NRG3: variants seen among roughly 807,000 people sequenced by gnomAD.
NRG3 encodes the protein neuregulin 3.
In NRG3, 31 loss-of-function variants were observed where a neutral mutation model predicts 66.9. The observed-to-expected ratio is 0.46, with a 90% CI of 0.35 to 0.63. NRG3 has a LOEUF of 0.63. Among genes scored for constraint, NRG3 ranks in the 20% least tolerant of loss-of-function variants. NRG3 has a pLI of 0.00. For missense variants in NRG3, 910 were observed against 878.9 expected, an observed-to-expected ratio of 1.04 and a Z score of -0.45; for synonymous variants, 393 against 359.4, an observed-to-expected ratio of 1.09 and a Z score of -1.06.
At chr10:81,917,075 C>G (rs1046003114) in intron 1 of NRG3, among the ~76,000 whole-genome samples, 10 of 152,170 alleles carry the variant, frequency 6.6e-5, no homozygotes, top group Middle Eastern at 3.4e-3. Flanking sequence ...TACCATGGCT[C>G]AAAATATAAA....
intron 2 of NRG3, among the ~76,000 whole-genome samples, chr10:82,465,211 C>A (rs756433794): frequency 4.6e-5 from 7 of 152,200 alleles, no homozygotes; most frequent in Non-Finnish European, 8.8e-5. Flanking sequence ...CTTAATTAGG[C>A]TCTGGCTGAA....
At chr10:82,150,528 C>CAAAAAAAAAAAAAAAAAAAAAAA (rs1264827514) in intron 1 of NRG3, among the ~76,000 whole-genome samples, 2 of 51,724 alleles carry the variant, frequency 3.9e-5, no homozygotes, top group Non-Finnish European at 7.2e-5. Context: ...AAAGAGCACA[C>CAAAAAAAAAAAAAAAAAAAAAAA]ACAAAAAAAA....
At chr10:82,178,140 T>C (rs2073169251) in intron 1 of NRG3, among the ~76,000 whole-genome samples, 1 of 152,160 alleles carries the variant, frequency 6.6e-6, no homozygotes, top group East Asian at 1.9e-4. Context: ...ATTATAAATA[T>C]TCTAATGAAA....
intron 1 of NRG3, among the ~76,000 whole-genome samples, chr10:81,965,888 AT>A (rs1270021578): frequency 6.6e-6 from 1 of 152,028 alleles, no homozygotes; most frequent in Non-Finnish European, 1.5e-5. Flanking sequence ...TTTCTAAATT[AT>A]TATTATTATT....
intron 1 of NRG3, among the ~76,000 whole-genome samples, chr10:81,908,598 G>A (rs1285005851): frequency 1.3e-5 from 2 of 152,114 alleles, no homozygotes; most frequent in African/African-American, 4.8e-5. Context: ...ATGATTACGG[G>A]GTTCAAATGA....
At chr10:82,603,527 G>T (rs1408214369) in intron 2 of NRG3, among the ~76,000 whole-genome samples, 1 of 152,142 alleles carries the variant, frequency 6.6e-6, no homozygotes, top group Admixed American at 6.5e-5. Flanking sequence ...AGAAATCCCA[G>T]TGTCCACATT....
At chr10:82,661,687 G>A (rs1324916274) in intron 2 of NRG3, among the ~76,000 whole-genome samples, 9 of 152,180 alleles carry the variant, frequency 5.9e-5, no homozygotes, top group African/African-American at 1.7e-4. Context: ...TGTAGCCAGA[G>A]CTAAGACCAT....
intron 2 of NRG3, among the ~76,000 whole-genome samples, chr10:82,626,648 T>A (rs1446129555): frequency 6.6e-6 from 1 of 152,134 alleles, no homozygotes; most frequent in Non-Finnish European, 1.5e-5. Flanking sequence ...ACAACTAATT[T>A]TTTCTTCTTT....
At chr10:82,298,231 G>T (rs1382710637) in intron 1 of NRG3, among the ~76,000 whole-genome samples, 1 of 147,112 alleles carries the variant, frequency 6.8e-6, no homozygotes, top group Non-Finnish European at 1.5e-5. Flanking sequence ...GGGAGGGAGG[G>T]AGGGAGGAAG....
chr10:82,736,615 A>C (rs1319275932), intron 2 of NRG3, among the ~76,000 whole-genome samples: 1 of 152,248 alleles, frequency 6.6e-6, no homozygotes, highest in African/African-American at 2.4e-5. Flanking sequence ...CTGATACCCC[A>C]TGAGGCCTGA....
intron 2 of NRG3, among the ~76,000 whole-genome samples, chr10:82,558,670 G>T: frequency 6.6e-6 from 1 of 152,184 alleles, no homozygotes; most frequent in East Asian, 1.9e-4. Flanking sequence ...ATAATGCAAA[G>T]ACGTCAAATT....
intron 2 of NRG3, among the ~76,000 whole-genome samples, chr10:82,534,770 A>T (rs1242699216): frequency 6.6e-6 from 1 of 152,198 alleles, no homozygotes; most frequent in East Asian, 1.9e-4. Context: ...AAATCCATGT[A>T]TATGTAGTTG....
At chr10:82,262,986 G>C (rs2078111699) in intron 1 of NRG3, among the ~76,000 whole-genome samples, 1 of 152,146 alleles carries the variant, frequency 6.6e-6, no homozygotes, top group Admixed American at 6.5e-5. Flanking sequence ...AAAGATTGGA[G>C]TCTTATCCCA....
At chr10:82,435,292 C>T (rs2090065671) in intron 2 of NRG3, among the ~76,000 whole-genome samples, 1 of 152,014 alleles carries the variant, frequency 6.6e-6, no homozygotes, top group African/African-American at 2.4e-5. Flanking sequence ...GTGGTGGTAT[C>T]CCCTTTATCA....
chr10:82,733,661 G>A (rs576711955), intron 2 of NRG3, among the ~76,000 whole-genome samples: 19 of 152,328 alleles, frequency 1.2e-4, no homozygotes, highest in Non-Finnish European at 2.5e-4. Context: ...CACAGATGTG[G>A]AGCAAGAGAG....
At chr10:82,665,339 TATC>T (rs1450086005) in intron 2 of NRG3, among the ~76,000 whole-genome samples, 1 of 152,232 alleles carries the variant, frequency 6.6e-6, no homozygotes, top group Non-Finnish European at 1.5e-5. Flanking sequence ...GCCTGCTTAT[TATC>T]ATCAACAATT....
At chr10:82,682,289 G>A (rs2484456) in intron 2 of NRG3, among the ~76,000 whole-genome samples, 90,257 of 151,982 alleles carry the variant, frequency 0.59, 28,679 homozygotes, top group East Asian at 0.76. Context: ...CCTACTCTTT[G>A]GAGCTACCAT....
At chr10:82,705,269 G>A (rs1345741253) in intron 2 of NRG3, among the ~76,000 whole-genome samples, 1 of 152,190 alleles carries the variant, frequency 6.6e-6, no homozygotes, top group Non-Finnish European at 1.5e-5. Flanking sequence ...TTTAAATACA[G>A]TCTGATTAGA....
chr10:82,342,041 T>A (rs2135399524), intron 1 of NRG3, among the ~76,000 whole-genome samples: 1 of 151,980 alleles, frequency 6.6e-6, no homozygotes, highest in African/African-American at 2.4e-5. Flanking sequence ...TAGTACTTTA[T>A]GGTATTTATG....
Sources: allele counts gnomAD v4.1 joint callset (sites outside exome capture counted in the v4.1 genomes callset), GRCh38; gene constraint gnomAD v4.1.1; transcripts MANE v1.5; gene names NCBI Gene and HGNC (gene_info 2026-07-23, HGNC 2026-07-21).